RIF1: variants seen among roughly 807,000 people sequenced by gnomAD.
RIF1 encodes the protein replication timing regulatory factor 1, also known as telomere-associated protein RIF1.
RIF1 carries 45 observed loss-of-function variants against 247.1 expected under a neutral mutation model. That is an observed-to-expected ratio of 0.18 (90% CI 0.14 to 0.23). RIF1 has a LOEUF of 0.23. Ranked by LOEUF, RIF1 falls within the 10% of genes least tolerant of loss-of-function variation. The pLI, the probability that RIF1 is intolerant of heterozygous loss-of-function variation, is 1.00. For missense variants in RIF1, 2,967 were observed against 2,862.5 expected (o/e 1.04, Z -0.83); for synonymous variants, 1,087 against 978.8 (o/e 1.11, Z -2.06).
At chr2:151,440,005 C>T (rs1691998645) in intron 14 of RIF1, 22 bp from the exon 15 acceptor site, 1 of 765,150 alleles carries the variant, frequency 1.3e-6, no homozygotes, top group Admixed American at 2.4e-5. Context: ...AGAACTATAC[C>T]CTTCTTTTTG....
chr2:151,415,056 A>G, intron 4 of RIF1, 137 bp downstream of exon 4: 1 of 607,848 alleles, frequency 1.6e-6, no homozygotes, highest in South Asian at 2.2e-5. Flanking sequence ...GCTTTTAAGA[A>G]AGAAAGAATG....
At chr2:151,473,424 T>C (rs2048725625) in intron 34 of RIF1, among the ~76,000 whole-genome samples, 1 of 150,694 alleles carries the variant, frequency 6.6e-6, no homozygotes, top group Non-Finnish European at 1.5e-5. Flanking sequence ...GCCTCCCGAG[T>C]AGCTGGGATT....
chr2:151,465,670 G>A lies in RIF1; in HGVS notation c.6150G>A (p.Lys2050=). 6.2e-7 allele frequency: 1 copy of A among 1,614,136 alleles called. No homozygotes were observed. The highest frequency in any genetic ancestry group is 2.2e-5 in the East Asian group (1 of 44,874). Residue 2050 remains lysine (K), a synonymous_variant, in exon 30 of 36, where the codon AAG becomes AAA. Transcript: ENST00000444746. ...ENEGITTKTS[K]PDEAETNMLT... ...AGGGCATAACTACCAAAACCTCAAAGCCTGATGAAGCTGAAACAAACATGT... is the reference window on the plus strand; with the variant it reads ...AGGGCATAACTACCAAAACCTCAAAACCTGATGAAGCTGAAACAAACATGT...
the RIF1 span, chr2:151,518,497 G>C: frequency 1.3e-5 from 12 of 915,598 alleles, no homozygotes; most frequent in Non-Finnish European, 2.0e-5. Context: ...CTTTAGATTA[G>C]ACGTTTACAC....
At chr2:151,442,767 ATT>A (rs59128582) in intron 16 of RIF1, among the ~76,000 whole-genome samples, 2 of 104,054 alleles carry the variant, frequency 1.9e-5, no homozygotes, top group Admixed American at 1.3e-4. Context: ...AAAGAGCTTG[ATT>A]TTTTTTTTTT....
downstream of RIF1, among the ~76,000 whole-genome samples, chr2:151,511,709 AG>A (rs936053695): frequency 6.6e-6 from 1 of 152,198 alleles, no homozygotes; most frequent in African/African-American, 2.4e-5. Context: ...GGCCTATCCC[AG>A]GGTGTGAAGG....
At chr2:151,492,058 A>G (rs770188547) in intron 9 of RIF1, 5 of 1,589,522 alleles carry the variant, frequency 3.1e-6, no homozygotes, top group Admixed American at 1.7e-5. Flanking sequence ...CTACCCCCTC[A>G]CTTAAAGTTA....
At chr2:151,522,751 C>T in the RIF1 span, among the ~76,000 whole-genome samples, 7 of 152,154 alleles carry the variant, frequency 4.6e-5, no homozygotes, top group Non-Finnish European at 8.8e-5. Context: ...CTGATGTGTA[C>T]ATTAATTTTC....
At chr2:151,531,805 T>G in the RIF1 span, 6 of 1,611,224 alleles carry the variant, frequency 3.7e-6, no homozygotes, top group East Asian at 6.7e-5. Flanking sequence ...GCTGATTTGT[T>G]TGTTGACTTT....
chr2:151,429,305 C>G (rs563890676), intron 9 of RIF1, among the ~76,000 whole-genome samples: 1 of 152,100 alleles, frequency 6.6e-6, no homozygotes, highest in Non-Finnish European at 1.5e-5. Context: ...CTCAGCCTCC[C>G]GAGTAGCTGG....
chr2:151,433,915 T>C (rs1346601272), intron 10 of RIF1, among the ~76,000 whole-genome samples: 1 of 151,992 alleles, frequency 6.6e-6, no homozygotes, highest in Non-Finnish European at 1.5e-5. Flanking sequence ...CTCATGCCTG[T>C]AGTCCTAGCA....
chr2:151,534,149 A>G, the RIF1 span: 3 of 1,141,566 alleles, frequency 2.6e-6, no homozygotes, highest in Non-Finnish European at 3.9e-6. Context: ...AGCAGACGGG[A>G]TGACATCTCA....
chr2:151,435,564 G>T lies in RIF1; in HGVS notation c.1179G>T (p.Met393Ile). The change falls in exon 11 of 36, where the codon ATG becomes ATT. Residue 393 changes from methionine to isoleucine, a missense_variant. Transcript: ENST00000444746. ...CTACATCTCCAGGTTTAAATCCTAT[G>T]ACTCCTGTACACAAAGGTAAGAGGT... ...HVATSPGLNPMTPVHKGASSP... is the reference protein window; with the variant it reads ...HVATSPGLNPITPVHKGASSP... 6.3e-7 allele frequency: 1 copy of T among 1,587,440 alleles called. No individual in the cohort carries two copies. The highest frequency in any genetic ancestry group is 1.1e-5 in the South Asian group (1 of 90,466).
At chr2:151,507,996 A>G in exon 14 of RIF1, 1 of 1,592,484 alleles carries the variant, frequency 6.3e-7, no homozygotes, top group Non-Finnish European at 8.6e-7. Context: ...ACATTTAATA[A>G]AAACTTACAA....
chr2:151,422,995 A>G lies in RIF1; in HGVS notation c.739A>G (p.Thr247Ala). The change falls in exon 8 of 36, where the codon ACT becomes GCT. Residue 247 changes from threonine (T) to alanine (A), a missense_variant. Thr to Ala is a moderately conservative substitution (Grantham distance 58, BLOSUM62 0). Coordinates refer to ENST00000444746, the MANE Select transcript of RIF1 (RefSeq NM_018151.5). ...GAAGCTATTTATGAGTAAAAATGAG[A>G]CTTACGTGTTAAAATTATGGCCTTT... is the stretch of plus-strand genomic sequence containing the variant. ...LQKLFMSKNE[T>A]YVLKLWPLFV... 1 of 1,600,388 alleles carries G rather than the reference A, an allele frequency of 6.2e-7. No homozygotes were observed. The highest frequency in any genetic ancestry group is 8.6e-7 in the Non-Finnish European group (1 of 1,169,490).
At chr2:151,458,773 C>T (rs760494005) in intron 24 of RIF1, 38 bp from the exon 25 acceptor site, 20 of 1,242,182 alleles carry the variant, frequency 1.6e-5, no homozygotes, top group Non-Finnish European at 2.3e-5. Context: ...ACCAGTACTA[C>T]TTGACTTAAG....
chr2:151,435,434 A>G (rs1436200612), intron 10 of RIF1, 29 bp from the exon 11 acceptor site: 2 of 1,244,442 alleles, frequency 1.6e-6, no homozygotes, highest in African/African-American at 3.0e-5. Flanking sequence ...TGTATAGTTT[A>G]TAGATCGATG....
At chr2:151,429,804 T>C (rs1490515180) in intron 9 of RIF1, among the ~76,000 whole-genome samples, 1 of 152,204 alleles carries the variant, frequency 6.6e-6, no homozygotes, top group Admixed American at 6.5e-5. Context: ...TCTGATAATA[T>C]ATTCACAAGA....
rs1296994266 is a variant in RIF1 at position 151,507,954 on chromosome 2, C to T, written c.*1253C>T. On this transcript the variant is annotated 3_prime_UTR_variant and NMD_transcript_variant, in exon 14 of 14. Transcript: ENST00000454583. ...CTGGGATATCCAGAGGCATCTTCCT[C>T]AGCACCCCTAGGTGCCTGTGGGCTG... The T allele has an allele frequency of 3.0e-6, 4 of 1,352,112 alleles. No homozygotes were observed. The African/African-American group carries it at 4.3e-5, about 15-fold the overall frequency. The allele number at this position is 1,352,112 out of a possible 1,614,324, so 83.8% of individuals were successfully genotyped here. A position where few individuals can be genotyped will look rare whatever the true frequency, so the allele number is the denominator to read the frequency against.
Sources: allele counts gnomAD v4.1 joint callset (sites outside exome capture counted in the v4.1 genomes callset), GRCh38; gene constraint gnomAD v4.1.1; transcripts MANE v1.5; gene names NCBI Gene and HGNC (gene_info 2026-07-23, HGNC 2026-07-21).